Variants in EBF1 observed in about 807,000 individuals in gnomAD.
EBF1 encodes transcription factor COE1.
A neutral mutation model predicts 68.4 loss-of-function variants in EBF1; 10 were observed. The observed-to-expected ratio is 0.15, with a 90% CI of 0.09 to 0.25. The LOEUF is 0.25. Among genes scored for constraint, EBF1 ranks in the 10% least tolerant of loss-of-function variants. The pLI is 1.00. For missense variants in EBF1, 509 were observed against 794.4 expected (o/e 0.64, Z 4.32); for synonymous variants, 298 against 299.8 (o/e 0.99, Z 0.06).
intron 6 of EBF1, among the ~76,000 whole-genome samples, chr5:158,854,676 C>T (rs1793628157): frequency 3.3e-5 from 5 of 152,196 alleles, no homozygotes; most frequent in Admixed American, 3.3e-4. Flanking sequence ...CGGTGCCTTC[C>T]TCCTTGCTTC....
chr5:158,747,138 C>T (rs1311761290), intron 10 of EBF1, among the ~76,000 whole-genome samples: 1 of 152,140 alleles, frequency 6.6e-6, no homozygotes, highest in Non-Finnish European at 1.5e-5. Flanking sequence ...CTTGGAAAGC[C>T]TAAGTGACCA....
intron 6 of EBF1, among the ~76,000 whole-genome samples, chr5:158,927,469 G>T (rs1809937558): frequency 6.6e-6 from 1 of 152,166 alleles, no homozygotes; most frequent in South Asian, 2.1e-4. Flanking sequence ...GGGCTGGCAA[G>T]TAATGCTATA....
chr5:158,938,396 T>C (rs1812538784), intron 6 of EBF1, among the ~76,000 whole-genome samples: 1 of 152,216 alleles, frequency 6.6e-6, no homozygotes, highest in Admixed American at 6.5e-5. Context: ...CCAAACAAGC[T>C]ATGTTCCCTT....
chr5:158,937,418 A>G (rs1171331900), intron 6 of EBF1, among the ~76,000 whole-genome samples: 2 of 152,188 alleles, frequency 1.3e-5, no homozygotes, highest in Admixed American at 6.5e-5. Context: ...GAACAGCAGC[A>G]GGAGCTACTT....
chr5:159,028,714 G>A (rs1311923348), intron 6 of EBF1, among the ~76,000 whole-genome samples: 1 of 152,210 alleles, frequency 6.6e-6, no homozygotes, highest in East Asian at 1.9e-4. Context: ...GATAAATGGA[G>A]GACTGGATGA....
chr5:158,761,914 A>T (rs948005005), intron 10 of EBF1, among the ~76,000 whole-genome samples: 1 of 152,226 alleles, frequency 6.6e-6, no homozygotes, highest in Non-Finnish European at 1.5e-5. Flanking sequence ...TTATAAGAAT[A>T]GTTCTACTTA....
chr5:158,776,998 G>T (rs1775428716), intron 10 of EBF1, among the ~76,000 whole-genome samples: 1 of 152,152 alleles, frequency 6.6e-6, no homozygotes, highest in African/African-American at 2.4e-5. Flanking sequence ...AATTAAATAT[G>T]AAAACTACCA....
At chr5:158,930,256 TTTTG>T (rs1243183155) in intron 6 of EBF1, among the ~76,000 whole-genome samples, 1 of 105,726 alleles carries the variant, frequency 9.5e-6, no homozygotes, top group Non-Finnish European at 2.3e-5. Flanking sequence ...TTTCTAGTTT[TTTTG>T]TTTTTTTTTT....
intron 6 of EBF1, chr5:158,983,795 C>G (rs1758381876): frequency 1.3e-5 from 2 of 151,952 alleles, no homozygotes; most frequent in Admixed American, 6.6e-5. Flanking sequence ...TGTGCTCAAC[C>G]AAAATCTAGA....
At chr5:158,949,462 C>T (rs1815525878) in intron 6 of EBF1, among the ~76,000 whole-genome samples, 1 of 152,112 alleles carries the variant, frequency 6.6e-6, no homozygotes, top group Non-Finnish European at 1.5e-5. Flanking sequence ...AGACCCCCAT[C>T]TCTACAAAAA....
At chr5:158,900,303 G>A (rs1803021748) in intron 6 of EBF1, among the ~76,000 whole-genome samples, 2 of 152,216 alleles carry the variant, frequency 1.3e-5, no homozygotes, top group African/African-American at 4.8e-5. Context: ...AGAGGGGAGT[G>A]GAGGGTGCAA....
intron 6 of EBF1, among the ~76,000 whole-genome samples, chr5:158,965,212 C>T (rs371938962): frequency 1.7e-4 from 26 of 152,300 alleles, no homozygotes; most frequent in African/African-American, 3.6e-4. Context: ...CCATATTATA[C>T]GGTGGTTTTC....
At chr5:158,881,909 T>C (rs1798980416) in intron 6 of EBF1, among the ~76,000 whole-genome samples, 2 of 152,148 alleles carry the variant, frequency 1.3e-5, no homozygotes, top group Non-Finnish European at 2.9e-5. Context: ...TAAAAATGAA[T>C]CTGTCCCCCA....
At chr5:158,880,713 G>A (rs1012525412) in intron 6 of EBF1, among the ~76,000 whole-genome samples, 1 of 152,144 alleles carries the variant, frequency 6.6e-6, no homozygotes, top group Non-Finnish European at 1.5e-5. Flanking sequence ...AACGGTGTTC[G>A]GTTCAGTTGT....
At chr5:158,773,557 G>C (rs1297849408) in intron 10 of EBF1, among the ~76,000 whole-genome samples, 2 of 152,030 alleles carry the variant, frequency 1.3e-5, no homozygotes, top group Admixed American at 1.3e-4. Flanking sequence ...ACAGCTCTCA[G>C]GGTACCCCTA....
At chr5:158,721,780 A>G (rs1004965142) in intron 11 of EBF1, among the ~76,000 whole-genome samples, 4 of 152,198 alleles carry the variant, frequency 2.6e-5, no homozygotes, top group African/African-American at 9.7e-5. Flanking sequence ...GGGATCTCAT[A>G]AAAGAAACAT....
At chr5:158,974,326 C>A (rs1756274467) in intron 6 of EBF1, among the ~76,000 whole-genome samples, 1 of 152,180 alleles carries the variant, frequency 6.6e-6, no homozygotes, top group South Asian at 2.1e-4. Context: ...TTCACAGCCT[C>A]AAGGAAGGTA....
intron 13 of EBF1, among the ~76,000 whole-genome samples, chr5:158,712,768 A>T (rs551660899): frequency 2.0e-5 from 3 of 152,200 alleles, no homozygotes; most frequent in Middle Eastern, 3.2e-3. Flanking sequence ...GGCTAAATGC[A>T]TGCATCCTTT....
intron 6 of EBF1, among the ~76,000 whole-genome samples, chr5:159,019,921 G>T (rs188686123): frequency 4.0e-4 from 61 of 152,128 alleles, no homozygotes; most frequent in African/African-American, 1.2e-3. Flanking sequence ...GAGAAAGTCA[G>T]ATCCAAGCAA....
Sources: allele counts gnomAD v4.1 joint callset (sites outside exome capture counted in the v4.1 genomes callset), GRCh38; gene constraint gnomAD v4.1.1; transcripts MANE v1.5; gene names NCBI Gene and HGNC (gene_info 2026-07-23, HGNC 2026-07-21).